The following NEK5 variants were observed in gnomAD, a reference collection of about 807,000 sequenced individuals.
NEK5 encodes NIMA related kinase 5.
Under a neutral mutation model 109.2 loss-of-function variants are expected in NEK5, and 88 were observed. The ratio of observed to expected loss-of-function variants is 0.81; its 90% CI spans 0.68 to 0.96. NEK5 has a LOEUF of 0.96. Among genes scored for constraint, NEK5 ranks in the 40% least tolerant of loss-of-function variants. The pLI is 0.00. For synonymous variants in NEK5, 283 were observed against 299.9 expected (o/e 0.94, Z 0.58); for missense variants, 834 against 920.7 (o/e 0.91, Z 1.22).
chr13:52,072,430 TC>T lies in NEK5; in HGVS notation c.1723-361del, dbSNP rs1420527488. 2.0e-5 allele frequency among the ~76,000 whole-genome samples: 3 copies of T among 152,232 alleles called. No individual in the cohort carries two copies. The East Asian group carries it at 5.8e-4, about 29-fold the overall frequency. The stretch of plus-strand genomic sequence containing the variant: ...CAACATTCTTAACCAGCTCCCTAAA[TC>T]TGCTCCTAGTATTTTGTAGTCAATA... On this transcript the variant is annotated intron_variant, in intron 19 of 23. Coordinates refer to ENST00000684899, the MANE Select transcript of NEK5 (RefSeq NM_001365552.1).
At chr13:52,109,914 C>T in intron 7 of NEK5, among the ~76,000 whole-genome samples, 1 of 152,174 alleles carries the variant, frequency 6.6e-6, no homozygotes, top group East Asian at 1.9e-4. Context: ...AGGTTGTAGA[C>T]CGGCCACCTT....
In NEK5 at chr13:52,119,265, T is replaced by A. The variant is rs906915729; in HGVS notation, c.214+54A>T. 7.4e-6 allele frequency: 7 copies of A among 942,398 alleles called. No homozygotes were observed. In the African/African-American group the frequency reaches 1.1e-4, roughly 15 times the overall value. The allele number at this position is 942,398 out of a possible 1,614,324, so 58.4% of individuals were successfully genotyped here. A position where few individuals can be genotyped will look rare whatever the true frequency, so the allele number is the denominator to read the frequency against. On this transcript the variant is annotated intron_variant, in intron 4 of 23. Transcript: ENST00000684899. ...CCTTAGGAACAAATCTTTTTACATATGTCAACATGCCTATACTTTATAAAA... is the reference window on the plus strand; with the variant it reads ...CCTTAGGAACAAATCTTTTTACATAAGTCAACATGCCTATACTTTATAAAA...
chr13:52,034,495 C>G lies in NEK5; in HGVS notation c.*2453G>C, dbSNP rs1387848331. 2.0e-5 allele frequency: 3 copies of G among 150,722 alleles called. No individual in the cohort carries two copies. The highest frequency in any genetic ancestry group is 7.3e-5 in the African/African-American group (3 of 40,938). 9.3% of individuals were successfully genotyped at this position (150,722 alleles called of 1,614,324 possible). ...TTTATCATGGGAACAAACCCGATAACCTGACATGCTTTTTTTTTTTTTTTT... is the reference window on the plus strand; with the variant it reads ...TTTATCATGGGAACAAACCCGATAAGCTGACATGCTTTTTTTTTTTTTTTT... On this transcript the variant is annotated 3_prime_UTR_variant, in exon 24 of 24. Coordinates refer to ENST00000684899, the MANE Select transcript of NEK5 (RefSeq NM_001365552.1).
chr13:52,095,662 C>T (rs1955394954), intron 12 of NEK5, among the ~76,000 whole-genome samples: 1 of 152,186 alleles, frequency 6.6e-6, no homozygotes, highest in African/African-American at 2.4e-5. Context: ...CTGAGGCGGG[C>T]ATATCACTAG....
At chr13:52,088,158 G>A (rs1486832831) in intron 14 of NEK5, among the ~76,000 whole-genome samples, 1 of 146,416 alleles carries the variant, frequency 6.8e-6, no homozygotes, top group Non-Finnish European at 1.5e-5. Context: ...CGAACTCCTG[G>A]GCTCAAGCAA....
chr13:52,052,967 G>A (rs1412445124), intron 22 of NEK5, among the ~76,000 whole-genome samples: 18 of 152,140 alleles, frequency 1.2e-4, no homozygotes, highest in Non-Finnish European at 1.0e-4. Context: ...TAGGGCAATG[G>A]AACAGGTAAT....
chr13:52,103,324 G>A (rs533571298), intron 9 of NEK5, among the ~76,000 whole-genome samples: 1 of 152,108 alleles, frequency 6.6e-6, no homozygotes, highest in Non-Finnish European at 1.5e-5. Context: ...CCAGCTCCTC[G>A]GGAGGCTGAG....
intron 3 of NEK5, among the ~76,000 whole-genome samples, chr13:52,122,683 T>C (rs1955993026): frequency 6.6e-6 from 1 of 151,986 alleles, no homozygotes; most frequent in South Asian, 2.1e-4. Flanking sequence ...AGGAGAATTG[T>C]TTGAACCTGG....
At chr13:52,126,681 A>C (rs1956068991) in intron 3 of NEK5, among the ~76,000 whole-genome samples, 1 of 152,224 alleles carries the variant, frequency 6.6e-6, no homozygotes, top group Non-Finnish European at 1.5e-5. Context: ...CAGGAGGCTG[A>C]AGTGGGAGAA....
At chr13:52,072,403 T>C (rs1348178152) in intron 19 of NEK5, among the ~76,000 whole-genome samples, 1 of 152,254 alleles carries the variant, frequency 6.6e-6, no homozygotes, top group Non-Finnish European at 1.5e-5. Flanking sequence ...GTTTTAAGTG[T>C]ACAACATTCT....
intron 20 of NEK5, among the ~76,000 whole-genome samples, chr13:52,071,161 C>A (rs1954777243): frequency 6.6e-6 from 1 of 151,954 alleles, no homozygotes; most frequent in South Asian, 2.1e-4. Flanking sequence ...AGGGTGCACC[C>A]TGGTGACAGC....
intron 3 of NEK5, among the ~76,000 whole-genome samples, chr13:52,125,595 C>G (rs1316468641): frequency 6.6e-6 from 1 of 152,160 alleles, no homozygotes; most frequent in Non-Finnish European, 1.5e-5. Flanking sequence ...CTGAAGTTAT[C>G]TAGCTGGCAG....
chr13:52,121,402 T>C (rs1040936337), intron 3 of NEK5, among the ~76,000 whole-genome samples: 2 of 152,086 alleles, frequency 1.3e-5, no homozygotes, highest in African/African-American at 4.8e-5. Flanking sequence ...TCAAGTGATC[T>C]AGCTGCCTCA....
intron 3 of NEK5, among the ~76,000 whole-genome samples, chr13:52,121,141 G>A (rs1484618838): frequency 1.3e-5 from 2 of 148,740 alleles, no homozygotes; most frequent in Non-Finnish European, 3.0e-5. Context: ...TGGGGGGTCT[G>A]TATCCTGCTG....
Position 52,071,846 on chromosome 13 carries a change from G to A in NEK5, c.1849+98C>T, listed in dbSNP as rs1954789315. ...CTTAGAGAGGGCAGAAAGGGGTCAAGTAACAGTGGAGCCGAGGCAGATGCA... is the reference window on the plus strand; with the variant it reads ...CTTAGAGAGGGCAGAAAGGGGTCAAATAACAGTGGAGCCGAGGCAGATGCA... On this transcript the variant is annotated intron_variant, in intron 20 of 23. Coordinates refer to ENST00000684899, the MANE Select transcript of NEK5 (RefSeq NM_001365552.1). 22 of 1,060,160 alleles carry A rather than the reference G, an allele frequency of 2.1e-5. No individual in the cohort carries two copies. In the Middle Eastern group the frequency reaches 8.0e-4, roughly 38 times the overall value. The allele number at this position is 1,060,160 out of a possible 1,614,324, so 65.7% of individuals were successfully genotyped here. A position where few individuals can be genotyped will look rare whatever the true frequency, so the allele number is the denominator to read the frequency against.
rs1954522741 is a variant in NEK5, at chr13:52,053,110, G to A, written c.2111-2889C>T. On this transcript the variant is annotated intron_variant, in intron 22 of 23. Transcript: ENST00000684899. ...GAGGTCAGGAGTTCAAAACCAGCCT[G>A]GCCAACATGGTGAAACCCAGTCTGT... Among the ~76,000 whole-genome samples, 4 of 152,088 alleles carry A rather than the reference G, an allele frequency of 2.6e-5. 1 individual carries two copies. In the South Asian group the frequency reaches 8.3e-4, roughly 32 times the overall value.
intron 3 of NEK5, among the ~76,000 whole-genome samples, chr13:52,122,362 A>G (rs909234069): frequency 2.6e-5 from 4 of 152,258 alleles, no homozygotes; most frequent in Non-Finnish European, 4.4e-5. Context: ...TCCCTTTATC[A>G]TTAGTGTGAA....
intron 12 of NEK5, among the ~76,000 whole-genome samples, chr13:52,097,990 C>T (rs1955452577): frequency 6.6e-6 from 1 of 152,104 alleles, no homozygotes; most frequent in South Asian, 2.1e-4. Context: ...GTGTGTAGCA[C>T]CTCCCCCTTT....
At chr13:52,105,342 T>C (rs1300283563) in intron 8 of NEK5, among the ~76,000 whole-genome samples, 3 of 151,828 alleles carry the variant, frequency 2.0e-5, no homozygotes, top group African/African-American at 4.8e-5. Context: ...GTAAGTACAA[T>C]AGACGGTAAG....
Sources: gnomAD v4.1 joint callset for allele counts (sites outside exome capture counted in the v4.1 genomes callset) on GRCh38, gnomAD v4.1.1 for gene constraint, MANE v1.5 for transcripts, NCBI Gene and HGNC (gene_info 2026-07-23, HGNC 2026-07-21) for gene names.